Variants in MTMR4 observed in about 807,000 individuals in gnomAD.
MTMR4 encodes phosphatidylinositol-3,5-bisphosphate 3-phosphatase MTMR4.
In MTMR4, 30 loss-of-function variants were observed where a neutral mutation model predicts 125.5. The ratio of observed to expected loss-of-function variants is 0.24; its 90% confidence interval spans 0.18 to 0.32. MTMR4 has a LOEUF of 0.32. Among genes scored for constraint, MTMR4 ranks in the 10% least tolerant of loss-of-function variants. MTMR4 has a pLI of 1.00. For synonymous variants in MTMR4, 498 were observed against 564.5 expected, an observed-to-expected ratio of 0.88 and a Z score of 1.67; for missense variants, 1,039 against 1,511.5, an observed-to-expected ratio of 0.69 and a Z score of 5.18.
At chr17:58,514,112 C>G (rs576682396) in intron 1 of MTMR4, 1 of 170,672 alleles carries the variant, frequency 5.9e-6, no homozygotes, top group Admixed American at 6.5e-5. Context: ...GCCTAGAGAT[C>G]TGCAGTCAAG....
At chr17:58,500,156 T>C (rs1975582655) in intron 14 of MTMR4, among the ~76,000 whole-genome samples, 1 of 152,148 alleles carries the variant, frequency 6.6e-6, no homozygotes, top group African/African-American at 2.4e-5. Context: ...AGACAAGGTC[T>C]CGCTGTGTCA....
chr17:58,497,605 C>G (rs1432065259), intron 14 of MTMR4, among the ~76,000 whole-genome samples: 16 of 152,206 alleles, frequency 1.1e-4, no homozygotes, highest in Non-Finnish European at 5.9e-5. Context: ...ACTTGTTTAA[C>G]TCCCTCTACT....
At chr17:58,505,083 A>T in intron 10 of MTMR4, 109 bp from the exon 11 acceptor site, 1 of 1,082,500 alleles carries the variant, frequency 9.2e-7, no homozygotes. Flanking sequence ...GAGAACTGAA[A>T]CCAAGAGGTA....
chr17:58,492,947 A>G lies in MTMR4; in HGVS notation c.3258T>C (p.Cys1086=), dbSNP rs1239926461. 14 of 1,613,838 alleles carry G rather than the reference A, an allele frequency of 8.7e-6. No individual in the cohort carries two copies. The highest frequency in any genetic ancestry group is 1.2e-5 in the Non-Finnish European group (14 of 1,179,802). The change falls in exon 16 of 18, where the codon TGT becomes TGC. Residue 1086 remains cysteine (C), a synonymous_variant. Coordinates refer to ENST00000682306, the MANE Select transcript of MTMR4 (RefSeq NM_001378067.1). Reference sequence around the variant, plus strand: ...TATCACTGCCATCTGACTCCTTCAAACATGTCTGATGAAAAGGCAAAGACA... The same window carrying G: ...TATCACTGCCATCTGACTCCTTCAAGCATGTCTGATGAAAAGGCAAAGACA... ...PPMDYEDDFT[C]LKESDGSDTE... is the part of the protein sequence containing the mutation.
At position 58,490,097 on chromosome 17, in the gene MTMR4, T is replaced by C. The variant is rs1477271478; in HGVS notation, c.*1566A>G. ...TACAAAAGAACCACAGATGCGTCTC[T>C]GTAGGACTGAAAAGGTCAGGACAAA... is the stretch of plus-strand genomic sequence containing the variant. On this transcript the variant is annotated 3_prime_UTR_variant, in exon 18 of 18. Transcript: ENST00000682306. 6.6e-6 allele frequency: 1 copy of C among 152,604 alleles called. No individual in the cohort carries two copies. Among genetic ancestry groups the C allele is most frequent in the East Asian group, 1.9e-4 (1 of 5,206 alleles). 9.5% of individuals were successfully genotyped at this position (152,604 alleles called of 1,614,324 possible). A position where few individuals can be genotyped will look rare whatever the true frequency, so the allele number is the denominator to read the frequency against.
At chr17:58,501,553 A>C (rs1975628824) in intron 14 of MTMR4, among the ~76,000 whole-genome samples, 1 of 151,838 alleles carries the variant, frequency 6.6e-6, no homozygotes, top group South Asian at 2.1e-4. Context: ...ACATATATAC[A>C]CGTATATATG....
chr17:58,504,608 G>T lies in MTMR4; in HGVS notation c.1342-120C>A. The T allele has an allele frequency of 7.3e-7, 1 of 1,374,466 alleles. No homozygotes were observed. 85.1% of individuals were successfully genotyped at this position (1,374,466 alleles called of 1,614,324 possible). A position where few individuals can be genotyped will look rare whatever the true frequency, so the allele number is the denominator to read the frequency against. On this transcript the variant is annotated intron_variant, in intron 11 of 17. Coordinates refer to ENST00000682306, the MANE Select transcript of MTMR4 (RefSeq NM_001378067.1). This position sits in a 1 kb window ranked among gnomAD's most constrained non-coding sequence, Gnocchi z 7.1. Reference sequence around the variant, plus strand: ...TCAAAGAAAAATAGGACTGGACCTAGAAGAGGACTCAAAGCCACCAATTTT... The same window carrying T: ...TCAAAGAAAAATAGGACTGGACCTATAAGAGGACTCAAAGCCACCAATTTT...
At chr17:58,493,605 C>T (rs568432570) in intron 15 of MTMR4, among the ~76,000 whole-genome samples, 5 of 152,330 alleles carry the variant, frequency 3.3e-5, no homozygotes, top group East Asian at 1.9e-4. Context: ...CCACCTACCT[C>T]GGCCTCACAA....
At chr17:58,500,532 C>T (rs540344992) in intron 14 of MTMR4, among the ~76,000 whole-genome samples, 66 of 152,078 alleles carry the variant, frequency 4.3e-4, no homozygotes, top group Admixed American at 1.1e-3. Context: ...GGGTAGATTA[C>T]GAGGTCAAGA....
chr17:58,518,934 G>T (rs545896057), upstream of MTMR4, among the ~76,000 whole-genome samples: 56 of 152,306 alleles, frequency 3.7e-4, 1 homozygote, highest in East Asian at 0.011. Flanking sequence ...AGTACTGTTG[G>T]TAAGTTCCAG....
chr17:58,510,922 T>A (rs1975912893), intron 4 of MTMR4: 1 of 152,254 alleles, frequency 6.6e-6, no homozygotes, highest in African/African-American at 2.4e-5. Flanking sequence ...TTATTCCCTT[T>A]CCCTGCTTTA....
chr17:58,514,755 G>A (rs943754318), upstream of MTMR4: 1 of 801,538 alleles, frequency 1.2e-6, no homozygotes. Context: ...CCTGGGCCTC[G>A]TAGGAGGGCG....
chr17:58,512,322 G>T lies in MTMR4; in HGVS notation c.252+68C>A. 2 of 1,347,284 alleles carry T rather than the reference G, an allele frequency of 1.5e-6. No homozygotes were observed. The highest frequency in any genetic ancestry group is 1.1e-6 in the Non-Finnish European group (1 of 939,154). The allele number at this position is 1,347,284 out of a possible 1,614,324, so 83.5% of individuals were successfully genotyped here. On this transcript the variant is annotated intron_variant, in intron 3 of 17. Coordinates refer to ENST00000682306, the MANE Select transcript of MTMR4 (RefSeq NM_001378067.1). This position sits in a 1 kb window ranked among gnomAD's most constrained non-coding sequence, Gnocchi z 4.1. Reference sequence around the variant, plus strand: ...TAATGACATGATCAAGGACAGCCTTGGAACAATCCCACCTTGAACTTCATA... The same window carrying T: ...TAATGACATGATCAAGGACAGCCTTTGAACAATCCCACCTTGAACTTCATA...
chr17:58,501,555 G>A (rs1012069218), intron 14 of MTMR4, among the ~76,000 whole-genome samples: 14 of 150,814 alleles, frequency 9.3e-5, no homozygotes, highest in African/African-American at 2.9e-4. Flanking sequence ...ATATATACAC[G>A]TATATATGTA....
rs1462091646 is a variant in MTMR4, at chr17:58,501,551, A to T, written c.1853+2193T>A. Reference sequence around the variant, plus strand: ...ATTTGAGATATATATACACATATATACACGTATATATGTATATATGTGTGT... The same window carrying T: ...ATTTGAGATATATATACACATATATTCACGTATATATGTATATATGTGTGT... On this transcript the variant is annotated intron_variant, in intron 14 of 17. Coordinates refer to ENST00000682306, the MANE Select transcript of MTMR4 (RefSeq NM_001378067.1). Among the ~76,000 whole-genome samples the T allele has an allele frequency of 2.0e-5, 3 of 151,906 alleles. No individual in the cohort carries two copies. The East Asian group carries it at 5.8e-4, about 29-fold the overall frequency.
intron 14 of MTMR4, among the ~76,000 whole-genome samples, chr17:58,498,182 G>C (rs1046876333): frequency 1.3e-5 from 2 of 151,944 alleles, no homozygotes; most frequent in Non-Finnish European, 2.9e-5. Flanking sequence ...AGGTTGCAGT[G>C]AGCCGAGATC....
At position 58,512,634 on chromosome 17, in the gene MTMR4, G is replaced by A. The variant is rs186434970; in HGVS notation, c.136-128C>T. The stretch of plus-strand genomic sequence containing the variant: ...GGCAAGAGAGGAGAGTTCTCTCCAC[G>A]GTAACAGCACCAGGCAACAGCTGTA... On this transcript the variant is annotated intron_variant, in intron 2 of 17. Coordinates refer to ENST00000682306, the MANE Select transcript of MTMR4 (RefSeq NM_001378067.1). This position sits in a 1 kb window ranked among gnomAD's most constrained non-coding sequence, Gnocchi z 4.1. 2.0e-4 allele frequency: 167 copies of A among 842,604 alleles called. No individual in the cohort carries two copies. The Middle Eastern group carries it at 2.1e-3, about 10-fold the overall frequency. 52.2% of individuals were successfully genotyped at this position (842,604 alleles called of 1,614,324 possible).
At position 58,495,057 on chromosome 17, in the gene MTMR4, C is replaced by T. The variant is rs749955904; in HGVS notation, c.3127G>A (p.Glu1043Lys). ...DVIQHRLRQI[E>K]AGYKQEVEQL... ...TCCACCTCTTGTTTGTACCCTGCTT[C>T]GATTTGCCGTAACCTATGCTGGATC... The change falls in exon 15 of 18, where the codon GAA (glutamate) becomes AAA (lysine). Residue 1043 changes from glutamate to lysine, a missense_variant. Physicochemically the swap from Glu to Lys is moderately conservative, Grantham distance 56. Around this residue, in one of 6 missense-constraint regions of MTMR4, gnomAD observed 619 missense variants for 714.5 expected, o/e 0.87. Coordinates refer to ENST00000682306, the MANE Select transcript of MTMR4 (RefSeq NM_001378067.1). 1.3e-5 allele frequency: 21 copies of T among 1,614,062 alleles called. No individual in the cohort carries two copies. Among genetic ancestry groups the T allele is most frequent in the East Asian group, 8.9e-5 (4 of 44,896 alleles).
At chr17:58,516,844 T>C (rs1240270032), upstream of MTMR4, among the ~76,000 whole-genome samples, 1 of 152,196 alleles carries the variant, frequency 6.6e-6, no homozygotes, top group Non-Finnish European at 1.5e-5. Context: ...CACGAAGTTC[T>C]GAAACAGGAA....
Sources: allele counts gnomAD v4.1 joint callset (sites outside exome capture counted in the v4.1 genomes callset), GRCh38; gene constraint gnomAD v4.1.1; regional missense constraint gnomAD v4.1.1; non-coding constraint Gnocchi (gnomAD v3.1); transcripts MANE v1.5; gene names NCBI Gene and HGNC (gene_info 2026-07-23, HGNC 2026-07-21).